RAB11FIP5: variants seen among roughly 807,000 people sequenced by gnomAD.
RAB11FIP5 encodes the protein RAB11 family interacting protein 5.
RAB11FIP5 carries 48 observed loss-of-function variants against 85.1 expected under a neutral mutation model. The ratio of observed to expected loss-of-function variants is 0.56; its 90% CI spans 0.45 to 0.72. The LOEUF (loss-of-function observed/expected upper bound fraction) is 0.72. Ranked by LOEUF, RAB11FIP5 falls within the 30% of genes least tolerant of loss-of-function variation. RAB11FIP5 has a pLI of 0.00. For missense variants in RAB11FIP5, 1,491 were observed against 1,687.0 expected, an observed-to-expected ratio of 0.88 and a Z score of 2.04; for synonymous variants, 729 against 727.3, an observed-to-expected ratio of 1.00 and a Z score of -0.04.
At position 73,080,280 on chromosome 2, in the gene RAB11FIP5, G is replaced by C. The variant is rs1051055000; in HGVS notation, c.2952C>G (p.Pro984=). Residue 984 remains proline (P), a synonymous_variant, in exon 4 of 6, where the codon CCC becomes CCG. Coordinates refer to ENST00000486777, the MANE Select transcript of RAB11FIP5 (RefSeq NM_001371272.1). ...GLEELVEDAS[P]PVSGPCLSAP... ...CAGACAGGCAGGGCCCAGACACAGG[G>C]GGGCTGGCATCCTCCACTAGCTCTT... The C allele has an allele frequency of 4.1e-6, 5 of 1,232,954 alleles. No individual in the cohort carries two copies. The highest frequency in any genetic ancestry group is 3.1e-5 in the African/African-American group (2 of 64,544). The allele number at this position is 1,232,954 out of a possible 1,614,324, so 76.4% of individuals were successfully genotyped here.
rs781030142 is a variant in RAB11FIP5, at chr2:73,075,736, C to A, written c.3772-12G>T. 3 of 1,584,568 alleles carry A rather than the reference C, an allele frequency of 1.9e-6. No homozygotes were observed. The highest frequency in any genetic ancestry group is 2.7e-5 in the African/African-American group (2 of 74,418). On this transcript the variant is annotated splice_polypyrimidine_tract_variant and intron_variant, in intron 5 of 5. Transcript: ENST00000486777. The surrounding 1 kb of genome is among the most constrained non-coding windows in gnomAD (Gnocchi z 4.6). Reference sequence around the variant, plus strand: ...AGCACAGCTGAGTCCTGAGGCCGGACCGAAGACAGTGAGCAGGGCAGCCCT... The same window carrying A: ...AGCACAGCTGAGTCCTGAGGCCGGAACGAAGACAGTGAGCAGGGCAGCCCT...
intron 4 of RAB11FIP5, among the ~76,000 whole-genome samples, chr2:73,076,492 C>A (rs1032902907): frequency 2.0e-5 from 3 of 152,158 alleles, no homozygotes; most frequent in Non-Finnish European, 4.4e-5. Context: ...CTGCACCCAC[C>A]CTCTGTCAGG....
In RAB11FIP5 at chr2:73,073,414, T is replaced by A. The variant is rs1046157; in HGVS notation, c.*2107A>T. 1.3e-5 allele frequency: 2 copies of A among 152,648 alleles called. No individual in the cohort carries two copies. Among genetic ancestry groups the A allele is most frequent in the African/African-American group, 4.8e-5 (2 of 41,430 alleles). 9.5% of individuals were successfully genotyped at this position (152,648 alleles called of 1,614,324 possible). ...CATGAATGTTTTATTCTTCATAAAG[T>A]GCTTAAAACATGAAGAACAAGCTCT... On this transcript the variant is annotated 3_prime_UTR_variant, in exon 6 of 6. Transcript: ENST00000486777.
chr2:73,110,113 G>C (rs953248552), intron 1 of RAB11FIP5, among the ~76,000 whole-genome samples: 5 of 152,134 alleles, frequency 3.3e-5, no homozygotes, highest in Non-Finnish European at 7.4e-5. Context: ...TCCCCAGTCA[G>C]GTCCTCTCTT....
Position 73,112,791 on chromosome 2 carries a change from G to A in RAB11FIP5, c.-14C>T, listed in dbSNP as rs905226644. On this transcript the variant is annotated 5_prime_UTR_variant, in exon 1 of 6. Transcript: ENST00000486777. ...CACCAGGGCCATGGCGGAGAAGCGG[G>A]GGGCGAGGTCTGGCCGAGCCGGTGC... The A allele has an allele frequency of 4.2e-6, 6 of 1,418,244 alleles. No homozygotes were observed. Among genetic ancestry groups the A allele is most frequent in the Non-Finnish European group, 5.5e-6 (6 of 1,095,740 alleles). The allele number at this position is 1,418,244 out of a possible 1,614,324, so 87.9% of individuals were successfully genotyped here.
rs766684665 is a variant in RAB11FIP5, at chr2:73,075,955, A to G, written c.3771+38T>C. On this transcript the variant is annotated intron_variant, in intron 5 of 5. Coordinates refer to ENST00000486777, the MANE Select transcript of RAB11FIP5 (RefSeq NM_001371272.1). This position sits in a 1 kb window ranked among gnomAD's most constrained non-coding sequence, Gnocchi z 4.6. ...ACCAAGCCCTGAGACTCCACCACAC[A>G]TTCTGTCAGATGGCCCCCACACCCT... The G allele has an allele frequency of 6.3e-7, 1 of 1,587,142 alleles. No homozygotes were observed. The highest frequency in any genetic ancestry group is 1.7e-5 in the Admixed American group (1 of 58,864).
rs1338252568 is a variant in RAB11FIP5, at chr2:73,112,511, C to T, written c.267G>A (p.Gln89=). ...PGALDGLLRA[Q]EADAGPAPWA... ...AGGGCGCCGGGCCCGCGTCGGCCTC[C>T]TGCGCCCGCAGCAGGCCATCCAGGG... is the stretch of plus-strand genomic sequence containing the variant. The change falls in exon 1 of 6, where the codon CAG becomes CAA. Residue 89 remains glutamine, a synonymous_variant. Transcript: ENST00000486777. The T allele has an allele frequency of 1.4e-5, 21 of 1,505,650 alleles. No individual in the cohort carries two copies. The highest frequency in any genetic ancestry group is 1.7e-5 in the Non-Finnish European group (19 of 1,128,490). 93.3% of individuals were successfully genotyped at this position (1,505,650 alleles called of 1,614,324 possible).
chr2:73,083,711 G>C (rs1405932673), intron 3 of RAB11FIP5, among the ~76,000 whole-genome samples: 2 of 152,130 alleles, frequency 1.3e-5, no homozygotes, highest in Admixed American at 1.3e-4. Context: ...CCTGCTGTGG[G>C]GACCAAGGGG....
chr2:73,103,838 T>A (rs1458664355), intron 1 of RAB11FIP5, among the ~76,000 whole-genome samples: 1 of 152,080 alleles, frequency 6.6e-6, no homozygotes, highest in East Asian at 1.9e-4. Flanking sequence ...CAAGATGACC[T>A]CTCTCAGGGG....
intron 1 of RAB11FIP5, among the ~76,000 whole-genome samples, chr2:73,110,523 A>C (rs189793288): frequency 6.6e-6 from 1 of 151,072 alleles, no homozygotes; most frequent in African/African-American, 2.4e-5. Flanking sequence ...GCATCAGAGA[A>C]AACAGCCAGG....
At chr2:73,085,436 A>G (rs1179623748) in intron 3 of RAB11FIP5, among the ~76,000 whole-genome samples, 4 of 152,206 alleles carry the variant, frequency 2.6e-5, no homozygotes, top group Non-Finnish European at 4.4e-5. Context: ...AGACACAAAG[A>G]CAATCCACTT....
chr2:73,088,758 G>A lies in RAB11FIP5; in HGVS notation c.869-9C>T, dbSNP rs1180175518. 3.8e-6 allele frequency: 6 copies of A among 1,574,566 alleles called. No homozygotes were observed. The South Asian group carries it at 7.1e-5, about 19-fold the overall frequency. On this transcript the variant is annotated splice_polypyrimidine_tract_variant and intron_variant, in intron 2 of 5. Transcript: ENST00000486777. ...CTGTGCAGAGTCCCTGCCTGCAGGG[G>A]AAACACACAGAGTTAGCTCGCAGGA...
At chr2:73,082,269 A>G (rs1195313167) in intron 3 of RAB11FIP5, among the ~76,000 whole-genome samples, 1 of 152,100 alleles carries the variant, frequency 6.6e-6, no homozygotes, top group East Asian at 1.9e-4. Flanking sequence ...TGGCCTCCCA[A>G]AGTTCTGGGA....
At position 73,112,760 on chromosome 2, in the gene RAB11FIP5, G is replaced by A. The variant is rs1314655016; in HGVS notation, c.18C>T (p.Gly6=). The A allele has an allele frequency of 1.4e-6, 2 of 1,465,828 alleles. No homozygotes were observed. The highest frequency in any genetic ancestry group is 1.8e-6 in the Non-Finnish European group (2 of 1,114,206). 90.8% of individuals were successfully genotyped at this position (1,465,828 alleles called of 1,614,324 possible). ...GGGAAGGCCCCGCCGCCGGCTCCGC[G>A]CCCCGCACCAGGGCCATGGCGGAGA... The part of the protein sequence containing the change: MALVR[G]AEPAAGPSRW... Residue 6 remains glycine (G), a synonymous_variant, in exon 1 of 6, where the codon GGC becomes GGT. Coordinates refer to ENST00000486777, the MANE Select transcript of RAB11FIP5 (RefSeq NM_001371272.1).
chr2:73,085,852 T>C (rs752818058), intron 3 of RAB11FIP5, among the ~76,000 whole-genome samples: 1 of 152,030 alleles, frequency 6.6e-6, no homozygotes, highest in Non-Finnish European at 1.5e-5. Context: ...CATCCCACAA[T>C]CTGCAATGGT....
rs1229381560 is a variant in RAB11FIP5 at position 73,080,916 on chromosome 2, G to A, written c.2316C>T (p.Ala772=). 2 of 1,232,518 alleles carry A rather than the reference G, an allele frequency of 1.6e-6. No individual in the cohort carries two copies. Among genetic ancestry groups the A allele is most frequent in the African/African-American group, 1.6e-5 (1 of 64,426 alleles). The allele number at this position is 1,232,518 out of a possible 1,614,324, so 76.3% of individuals were successfully genotyped here. Reference sequence around the variant, plus strand: ...GACTCTGCCCTGCTTCCACTTCCGGGGCTGGCAGTTCCCTGTCTGGTTCTG... The same window carrying A: ...GACTCTGCCCTGCTTCCACTTCCGGAGCTGGCAGTTCCCTGTCTGGTTCTG... ...SGSEPDRELP[A]PEVEAGQSPA... Residue 772 remains alanine (A), a synonymous_variant, in exon 4 of 6, where the codon GCC becomes GCT. Coordinates refer to ENST00000486777, the MANE Select transcript of RAB11FIP5 (RefSeq NM_001371272.1).
Position 73,088,691 on chromosome 2 carries a change from C to T in RAB11FIP5, c.927G>A (p.Glu309=). Residue 309 remains glutamate, a synonymous_variant, in exon 3 of 6, where the codon GAG becomes GAA. Coordinates refer to ENST00000486777, the MANE Select transcript of RAB11FIP5 (RefSeq NM_001371272.1). ...LFTHKRTYSD[E]ANQMRVAPPR... ...GAGGAGCCACTCGCATCTGGTTGGC[C>T]TCATCGCTGTAGGTCCTCTTATGGG... The T allele has an allele frequency of 6.2e-7, 1 of 1,612,682 alleles. No homozygotes were observed. The highest frequency in any genetic ancestry group is 8.5e-7 in the Non-Finnish European group (1 of 1,179,848).
At chr2:73,096,722 T>G (rs1471368469) in intron 1 of RAB11FIP5, among the ~76,000 whole-genome samples, 1 of 152,202 alleles carries the variant, frequency 6.6e-6, no homozygotes, top group Non-Finnish European at 1.5e-5. Flanking sequence ...CCTGTTTACC[T>G]GACGTCCACA....
intron 1 of RAB11FIP5, among the ~76,000 whole-genome samples, chr2:73,104,303 T>C (rs1417839648): frequency 1.3e-5 from 2 of 152,000 alleles, no homozygotes; most frequent in African/African-American, 2.4e-5. Flanking sequence ...AGGGGCCAGG[T>C]GTGGTGGCTC....
Sources: allele counts gnomAD v4.1 joint callset (sites outside exome capture counted in the v4.1 genomes callset), GRCh38; gene constraint gnomAD v4.1.1; non-coding constraint Gnocchi (gnomAD v3.1); transcripts MANE v1.5; gene names NCBI Gene and HGNC (gene_info 2026-07-23, HGNC 2026-07-21).